The following LRMDA variants were observed in gnomAD, a reference collection of about 807,000 sequenced individuals.
LRMDA encodes leucine-rich melanocyte differentiation-associated protein.
LRMDA carries 18 observed loss-of-function variants against 29.8 expected under a neutral mutation model. That is an observed-to-expected ratio of 0.60 (90% CI 0.42 to 0.90). The LOEUF (loss-of-function observed/expected upper bound fraction) is 0.90. Among genes scored for constraint, LRMDA ranks in the 40% least tolerant of loss-of-function variants. The pLI is 0.00. For missense variants in LRMDA, 273 were observed against 273.9 expected (o/e 1.00, Z 0.02); for synonymous variants, 125 against 109.4 (o/e 1.14, Z -0.89).
chr10:75,625,301 A>G (rs74790158), intron 2 of LRMDA, among the ~76,000 whole-genome samples: 14,044 of 152,306 alleles, frequency 0.092, 794 homozygotes, highest in South Asian at 0.13. Context: ...AGGACTATCA[A>G]TATTCCCATT....
intron 6 of LRMDA, among the ~76,000 whole-genome samples, chr10:76,533,231 C>T (rs11001807): frequency 0.36 from 54,893 of 151,978 alleles, 10,673 homozygotes; most frequent in African/African-American, 0.46. Context: ...ATTATTGAAT[C>T]TGTCCTAAAA....
intron 6 of LRMDA, among the ~76,000 whole-genome samples, chr10:76,483,196 G>A (rs1842748827): frequency 6.6e-6 from 1 of 151,890 alleles, no homozygotes; most frequent in Non-Finnish European, 1.5e-5. Context: ...ATGAACAGAA[G>A]TTCTTAATTT....
At chr10:76,226,965 C>G (rs149083850) in intron 5 of LRMDA, among the ~76,000 whole-genome samples, 17 of 152,272 alleles carry the variant, frequency 1.1e-4, no homozygotes, top group African/African-American at 3.6e-4. Context: ...ATGAATAAAA[C>G]AAGCAATGTT....
chr10:76,215,044 C>A (rs940704794), intron 5 of LRMDA, among the ~76,000 whole-genome samples: 1 of 152,122 alleles, frequency 6.6e-6, no homozygotes, highest in South Asian at 2.1e-4. Context: ...AACCAAATTC[C>A]GAAATATCAT....
intron 6 of LRMDA, among the ~76,000 whole-genome samples, chr10:76,464,093 A>G (rs1157333051): frequency 6.6e-6 from 1 of 151,428 alleles, no homozygotes; most frequent in East Asian, 1.9e-4. Flanking sequence ...CTAATTTTGT[A>G]TTTTTAGTAG....
chr10:75,499,170 G>A lies in LRMDA; in HGVS notation c.131+60676G>A, dbSNP rs183344197. Among the ~76,000 whole-genome samples, 8 of 152,296 alleles carry A rather than the reference G, an allele frequency of 5.3e-5. No homozygotes were observed. In the East Asian group the frequency reaches 1.5e-3, roughly 29 times the overall value. The stretch of plus-strand genomic sequence containing the variant: ...CCAGATTGATGAAAGAGGTGCTGAC[G>A]CTTCTGTGTTGCATCCCAGCTTGCT... On this transcript the variant is annotated intron_variant, in intron 2 of 6. Transcript: ENST00000611255.
chr10:76,268,849 G>T (rs10762707), intron 5 of LRMDA, among the ~76,000 whole-genome samples: 83,591 of 151,384 alleles, frequency 0.55, 24,206 homozygotes, highest in African/African-American at 0.74. Flanking sequence ...TATCTCTCCT[G>T]TGTTTTCTCT....
chr10:76,332,818 C>T (rs1053819159), intron 6 of LRMDA, among the ~76,000 whole-genome samples: 2 of 152,150 alleles, frequency 1.3e-5, no homozygotes, highest in Non-Finnish European at 2.9e-5. Context: ...CTATTGTGTA[C>T]TGAGTGTATT....
At chr10:75,564,763 T>C (rs866055952) in intron 2 of LRMDA, among the ~76,000 whole-genome samples, 1 of 152,208 alleles carries the variant, frequency 6.6e-6, no homozygotes, top group African/African-American at 2.4e-5. Flanking sequence ...AATGAGTTAA[T>C]TGGACACCCT....
chr10:76,242,090 T>C (rs1852287689), intron 5 of LRMDA: 1 of 152,194 alleles, frequency 6.6e-6, no homozygotes, highest in Admixed American at 6.5e-5. Context: ...ATCCCACTGC[T>C]GATCAGCACA....
At chr10:75,438,752 G>C (rs992306848) in intron 2 of LRMDA, among the ~76,000 whole-genome samples, 4 of 152,162 alleles carry the variant, frequency 2.6e-5, no homozygotes, top group East Asian at 1.9e-4. Context: ...TCCTATGAGA[G>C]AGCCGTCATA....
intron 5 of LRMDA, among the ~76,000 whole-genome samples, chr10:76,181,560 AAG>A (rs1364403840): frequency 6.6e-6 from 1 of 152,190 alleles, no homozygotes; most frequent in African/African-American, 2.4e-5. Context: ...CCTACCCTTG[AAG>A]AGTGTTTTTG....
chr10:75,606,966 A>G (rs11001437), intron 2 of LRMDA, among the ~76,000 whole-genome samples: 2,944 of 152,344 alleles, frequency 0.019, 42 homozygotes, highest in Non-Finnish European at 0.031. Flanking sequence ...GTGCATTACA[A>G]TAAAATCCCA....
chr10:75,956,025 G>A (rs1238923615), intron 2 of LRMDA, among the ~76,000 whole-genome samples: 1 of 152,124 alleles, frequency 6.6e-6, no homozygotes, highest in Non-Finnish European at 1.5e-5. Flanking sequence ...TATGGGCAAG[G>A]GATTTAGTAG....
chr10:75,672,696 C>T (rs912124324), intron 2 of LRMDA, among the ~76,000 whole-genome samples: 6 of 148,538 alleles, frequency 4.0e-5, no homozygotes, highest in African/African-American at 7.5e-5. Context: ...TTCCCACCTC[C>T]GTCTCCCAAC....
At chr10:75,991,647 G>T (rs777733434) in intron 2 of LRMDA, among the ~76,000 whole-genome samples, 2 of 152,228 alleles carry the variant, frequency 1.3e-5, no homozygotes, top group African/African-American at 2.4e-5. Flanking sequence ...CAGGAAAGAT[G>T]CGTGACTGAT....
chr10:75,625,559 G>T (rs1841240081), intron 2 of LRMDA, among the ~76,000 whole-genome samples: 1 of 152,124 alleles, frequency 6.6e-6, no homozygotes, highest in Non-Finnish European at 1.5e-5. Flanking sequence ...ATCTTCCTTA[G>T]TTATTTATCT....
At chr10:75,581,790 G>C (rs998106490) in intron 2 of LRMDA, among the ~76,000 whole-genome samples, 1 of 152,038 alleles carries the variant, frequency 6.6e-6, no homozygotes, top group African/African-American at 2.4e-5. Context: ...TTTAGGGGGT[G>C]GGGGGCTAGG....
At chr10:75,826,583 C>T (rs1268625409) in intron 2 of LRMDA, among the ~76,000 whole-genome samples, 2 of 152,294 alleles carry the variant, frequency 1.3e-5, no homozygotes, top group East Asian at 3.9e-4. Flanking sequence ...TATATTTCAA[C>T]TCATTCACAT....
Sources: allele counts gnomAD v4.1 joint callset (sites outside exome capture counted in the v4.1 genomes callset), GRCh38; gene constraint gnomAD v4.1.1; transcripts MANE v1.5; gene names NCBI Gene and HGNC (gene_info 2026-07-23, HGNC 2026-07-21).